ADGRL3: variants seen among roughly 807,000 people sequenced by gnomAD.
The protein encoded by ADGRL3 is calcium-independent alpha-latrotoxin receptor 3.
A neutral mutation model predicts 153.5 loss-of-function variants in ADGRL3; 62 were observed. The ratio of observed to expected loss-of-function variants is 0.40; its 90% confidence interval spans 0.33 to 0.50. The LOEUF (loss-of-function observed/expected upper bound fraction) is 0.50. ADGRL3 is among the 20% of genes least tolerant of loss of function. ADGRL3 has a pLI of 0.47. For synonymous variants in ADGRL3, 710 were observed against 672.5 expected (o/e 1.06, Z -0.86); for missense variants, 1,641 against 1,859.4 (o/e 0.88, Z 2.16).
At chr4:61,735,322 T>C (rs757972840) in intron 8 of ADGRL3, among the ~76,000 whole-genome samples, 12 of 152,232 alleles carry the variant, frequency 7.9e-5, no homozygotes, top group Non-Finnish European at 1.6e-4. Flanking sequence ...GTTTCCACAA[T>C]CAGCAATGCT....
chr4:61,664,299 G>A (rs1017308829), intron 5 of ADGRL3, among the ~76,000 whole-genome samples: 1 of 152,144 alleles, frequency 6.6e-6, no homozygotes, highest in African/African-American at 2.4e-5. Context: ...AGAATATGGA[G>A]CTGTTAATTC....
At chr4:61,767,781 G>A (rs1332427713) in intron 8 of ADGRL3, among the ~76,000 whole-genome samples, 1 of 152,190 alleles carries the variant, frequency 6.6e-6, no homozygotes, top group Admixed American at 6.5e-5. Context: ...GGTTCTGGAG[G>A]AACGCCTGGC....
chr4:61,412,656 C>G (rs2097101586), intron 2 of ADGRL3, among the ~76,000 whole-genome samples: 1 of 152,136 alleles, frequency 6.6e-6, no homozygotes, highest in South Asian at 2.1e-4. Context: ...AGTGCTATTG[C>G]TGTATCCTAA....
intron 4 of ADGRL3, among the ~76,000 whole-genome samples, chr4:61,520,924 T>C (rs1174504983): frequency 1.3e-5 from 2 of 152,014 alleles, no homozygotes; most frequent in Non-Finnish European, 2.9e-5. Flanking sequence ...GCACCACTCC[T>C]CCCCTCCAGA....
intron 1 of ADGRL3, among the ~76,000 whole-genome samples, chr4:61,215,697 G>T (rs1371729946): frequency 6.6e-6 from 1 of 151,618 alleles, no homozygotes; most frequent in Non-Finnish European, 1.5e-5. Context: ...GACTGCAGGC[G>T]CCCGCCACCA....
intron 5 of ADGRL3, among the ~76,000 whole-genome samples, chr4:61,639,196 A>G (rs531941747): frequency 1.3e-5 from 2 of 152,176 alleles, no homozygotes; most frequent in South Asian, 2.1e-4. Flanking sequence ...TTTAAGCCAT[A>G]TTTGTCTTCC....
chr4:61,398,538 A>G (rs964476808), intron 2 of ADGRL3, among the ~76,000 whole-genome samples: 1 of 151,714 alleles, frequency 6.6e-6, no homozygotes, highest in Non-Finnish European at 1.5e-5. Context: ...GGTCCTATCT[A>G]GCAAACTTAA....
At chr4:61,413,783 C>T (rs1354501841) in intron 2 of ADGRL3, among the ~76,000 whole-genome samples, 5 of 150,026 alleles carry the variant, frequency 3.3e-5, no homozygotes, top group Non-Finnish European at 7.4e-5. Flanking sequence ...AACAAACAAA[C>T]GAATGAAACC....
Position 61,243,003 on chromosome 4 carries a change from A to G in ADGRL3, c.-240+41238A>G, listed in dbSNP as rs114229245. ...GTGAGAAAATAGGGCAAGTGCCATA[A>G]GCAGTCTACAAACAGCCATGGGGAC... On this transcript the variant is annotated intron_variant, in intron 1 of 26. Transcript: ENST00000683033. Among the ~76,000 whole-genome samples, 1,404 of 152,228 alleles carry G rather than the reference A, an allele frequency of 9.2e-3. 11 individuals are homozygous for G. The highest frequency in any genetic ancestry group is 0.014 in the Non-Finnish European group (954 of 67,984).
chr4:61,470,982 T>G (rs2152682901), intron 2 of ADGRL3, among the ~76,000 whole-genome samples: 1 of 152,040 alleles, frequency 6.6e-6, no homozygotes, highest in South Asian at 2.1e-4. Flanking sequence ...TTTTTTAAAT[T>G]GATTCAGTAG....
chr4:61,698,928 T>A (rs935047493), intron 6 of ADGRL3, among the ~76,000 whole-genome samples: 5 of 152,230 alleles, frequency 3.3e-5, no homozygotes, highest in African/African-American at 1.2e-4. Context: ...TAGTTTATCT[T>A]GAAGCTTTAG....
At chr4:61,565,193 A>T (rs1307057675) in intron 4 of ADGRL3, among the ~76,000 whole-genome samples, 1 of 152,218 alleles carries the variant, frequency 6.6e-6, no homozygotes, top group Non-Finnish European at 1.5e-5. Context: ...GAAGCAAAGC[A>T]GAATAAAACA....
intron 1 of ADGRL3, among the ~76,000 whole-genome samples, chr4:61,221,838 G>T (rs552501152): frequency 2.0e-5 from 3 of 151,974 alleles, no homozygotes; most frequent in African/African-American, 4.8e-5. Flanking sequence ...AAAAATATTC[G>T]CAATATAGTT....
intron 5 of ADGRL3, among the ~76,000 whole-genome samples, chr4:61,620,418 T>C (rs2092416389): frequency 6.6e-6 from 1 of 152,068 alleles, no homozygotes; most frequent in African/African-American, 2.4e-5. Flanking sequence ...CTAAGGGAGT[T>C]ATGGTACCAA....
At chr4:61,752,793 G>T (rs1173617945) in intron 8 of ADGRL3, among the ~76,000 whole-genome samples, 1 of 152,056 alleles carries the variant, frequency 6.6e-6, no homozygotes, top group Non-Finnish European at 1.5e-5. Context: ...AATTACCAGA[G>T]CATGCTGGCA....
chr4:61,735,281 T>C (rs2096493786), intron 8 of ADGRL3, among the ~76,000 whole-genome samples: 1 of 152,334 alleles, frequency 6.6e-6, no homozygotes, highest in Admixed American at 6.5e-5. Flanking sequence ...TCTCTAATCA[T>C]GGAGAGGCTT....
intron 1 of ADGRL3, among the ~76,000 whole-genome samples, chr4:61,203,654 G>A (rs1735835719): frequency 6.6e-6 from 1 of 152,194 alleles, no homozygotes; most frequent in Non-Finnish European, 1.5e-5. Context: ...CACTTCTTTA[G>A]CACTTTTTCA....
chr4:61,538,164 C>CT (rs924640570), intron 4 of ADGRL3, among the ~76,000 whole-genome samples: 1 of 152,054 alleles, frequency 6.6e-6, no homozygotes, highest in Non-Finnish European at 1.5e-5. Context: ...AAAATAAAAA[C>CT]TTTTTTCCCC....
rs141334417 is a variant in ADGRL3 at position 61,410,512 on chromosome 4, C to T, written c.-174+27323C>T. On this transcript the variant is annotated intron_variant, in intron 2 of 26. Transcript: ENST00000683033. ...CAAAATTAAGAAATCAACAATATTA[C>T]AATACTATTGTGTAATCTATGAACA... Among the ~76,000 whole-genome samples, 699 of 152,150 alleles carry T rather than the reference C, an allele frequency of 4.6e-3. 6 individuals are homozygous for T. The highest frequency in any genetic ancestry group is 0.016 in the African/African-American group (666 of 41,528).
Sources: allele counts gnomAD v4.1 joint callset (sites outside exome capture counted in the v4.1 genomes callset), GRCh38; gene constraint gnomAD v4.1.1; transcripts MANE v1.5; gene names NCBI Gene and HGNC (gene_info 2026-07-23, HGNC 2026-07-21).